The following EP300 variants were observed in gnomAD, a reference collection of about 807,000 sequenced individuals.
EP300 encodes histone acetyltransferase p300.
In EP300, 31 loss-of-function variants were observed where a neutral mutation model predicts 264.0. That is an observed-to-expected ratio of 0.12 (90% confidence interval 0.09 to 0.16). The LOEUF is 0.16. Ranked by LOEUF, EP300 falls within the 10% of genes least tolerant of loss-of-function variation. The pLI, the probability that EP300 is intolerant of heterozygous loss-of-function variation, is 1.00. For synonymous variants in EP300, 1,340 were observed against 1,045.4 expected (o/e 1.28, Z -5.44); for missense variants, 2,766 against 3,052.9 (o/e 0.91, Z 2.21).
intron 2 of EP300, among the ~76,000 whole-genome samples, chr22:41,119,166 C>CTTCTTA (rs1555906128): frequency 6.8e-5 from 1 of 14,714 alleles, no homozygotes; most frequent in Non-Finnish European, 2.1e-4. Flanking sequence ...CCATGCCTGG[C>CTTCTTA]TTATTATTAT....
Position 41,151,853 on chromosome 22 carries a change from C to T in EP300, c.2838C>T (p.Ser946=). ...CCCAGCTTTCCCAGCCAGCTGTAAG[C>T]ATTGAAGGACAGGTATCAAATCCTC... is the stretch of plus-strand genomic sequence containing the variant. ...PATPLSQPAV[S]IEGQVSNPPS... The change falls in exon 15 of 31, where the codon AGC becomes AGT. Residue 946 remains serine, a synonymous_variant. Transcript: ENST00000263253. 6.2e-7 allele frequency: 1 copy of T among 1,614,132 alleles called. No individual in the cohort carries two copies. Among genetic ancestry groups the T allele is most frequent in the Non-Finnish European group, 8.5e-7 (1 of 1,180,030 alleles).
rs1461833121 is a variant in EP300, at chr22:41,100,116, CT to C, written c.94+7019del. On this transcript the variant is annotated intron_variant, in intron 1 of 30. Coordinates refer to ENST00000263253, the MANE Select transcript of EP300 (RefSeq NM_001429.4). ...GGCATGGTGGCATGCATCTGTAGTC[CT>C]AGCTTCTTGGGAGGCTTAAGGTGTG... 3.3e-5 allele frequency among the ~76,000 whole-genome samples: 5 copies of C among 152,264 alleles called. No individual in the cohort carries two copies. The East Asian group carries it at 9.6e-4, about 29-fold the overall frequency.
intron 1 of EP300, among the ~76,000 whole-genome samples, chr22:41,115,579 A>G (rs2058816416): frequency 6.6e-6 from 1 of 152,136 alleles, no homozygotes; most frequent in Admixed American, 6.5e-5. Context: ...AGTATAGCCT[A>G]GTGCCACCAC....
chr22:41,152,903 G>T (rs767416937), intron 16 of EP300, among the ~76,000 whole-genome samples: 15 of 151,964 alleles, frequency 9.9e-5, no homozygotes, highest in Non-Finnish European at 1.8e-4. Flanking sequence ...GACTGCATGC[G>T]CATGCCACCA....
At chr22:41,171,371 C>T (rs1264305836) in intron 27 of EP300, among the ~76,000 whole-genome samples, 1 of 152,150 alleles carries the variant, frequency 6.6e-6, no homozygotes, top group Non-Finnish European at 1.5e-5. Context: ...GGGTCACTCT[C>T]TGTCACCCAG....
intron 1 of EP300, 69 bp downstream of exon 1, chr22:41,093,167 C>G (rs1179101400): frequency 1.3e-6 from 2 of 1,500,278 alleles, no homozygotes; most frequent in Non-Finnish European, 1.8e-6. Context: ...CTTTATTCTT[C>G]CATTTTTTTT....
intron 10 of EP300, among the ~76,000 whole-genome samples, chr22:41,143,005 A>G: frequency 6.6e-6 from 1 of 152,242 alleles, no homozygotes. Context: ...TTCTAATGTC[A>G]GTATAAACAG....
chr22:41,111,809 G>C (rs1193655194), intron 1 of EP300, among the ~76,000 whole-genome samples: 1 of 151,056 alleles, frequency 6.6e-6, no homozygotes, highest in African/African-American at 2.4e-5. Flanking sequence ...AAAGTGCTGG[G>C]ATTACAGGTG....
chr22:41,109,305 A>G (rs1030198230), intron 1 of EP300, among the ~76,000 whole-genome samples: 2 of 152,084 alleles, frequency 1.3e-5, no homozygotes, highest in Non-Finnish European at 2.9e-5. Context: ...GCAATCAAAT[A>G]CAATAGATTT....
At position 41,099,142 on chromosome 22, in the gene EP300, A is replaced by C. The variant is rs142852008; in HGVS notation, c.94+6044A>C. Among the ~76,000 whole-genome samples the C allele has an allele frequency of 3.7e-3, 562 of 152,062 alleles. 5 individuals carry two copies. Among genetic ancestry groups the C allele is most frequent in the Middle Eastern group, 0.017 (5 of 294 alleles). ...TACAGTGGCGTGATCTCGGCCTATGACAACCTCCGTCTCCCGGCTTCAAGC... is the reference window on the plus strand; with the variant it reads ...TACAGTGGCGTGATCTCGGCCTATGCCAACCTCCGTCTCCCGGCTTCAAGC... On this transcript the variant is annotated intron_variant, in intron 1 of 30. Coordinates refer to ENST00000263253, the MANE Select transcript of EP300 (RefSeq NM_001429.4).
chr22:41,167,814 GTTTTTTTTT>G (rs1555911003), intron 23 of EP300, among the ~76,000 whole-genome samples: 3 of 66,208 alleles, frequency 4.5e-5, no homozygotes, highest in Non-Finnish European at 5.2e-5. Flanking sequence ...GTTTGTTTTT[GTTTTTTTTT>G]TTGTTTTTTT....
intron 1 of EP300, among the ~76,000 whole-genome samples, chr22:41,098,157 T>TA (rs1238873872): frequency 6.6e-6 from 1 of 152,152 alleles, no homozygotes; most frequent in African/African-American, 2.4e-5. Context: ...CCCTCCCTGC[T>TA]AAAAAATTTT....
At chr22:41,116,233 A>G (rs1234507862) in intron 1 of EP300, among the ~76,000 whole-genome samples, 1 of 151,924 alleles carries the variant, frequency 6.6e-6, no homozygotes, top group Non-Finnish European at 1.5e-5. Context: ...TTTTTTAATT[A>G]TCCTTTAAGT....
chr22:41,137,606 TCTC>T (rs745725678), intron 7 of EP300, 44 bp from the exon 8 acceptor site: 69 of 1,613,202 alleles, frequency 4.3e-5, no homozygotes, highest in South Asian at 1.3e-4. Context: ...AATGAGGTCT[TCTC>T]CTACCTTTCT....
At chr22:41,104,074 GTTGTTTTTGTTTTGTT>G in intron 1 of EP300, among the ~76,000 whole-genome samples, 1 of 152,112 alleles carries the variant, frequency 6.6e-6, no homozygotes, top group East Asian at 1.9e-4. Flanking sequence ...TTTTTTTGTT[GTTGTTTTTGTTTTGTT>G]TTGTTTTTAA....
At chr22:41,114,892 T>C (rs909936990) in intron 1 of EP300, among the ~76,000 whole-genome samples, 7 of 152,080 alleles carry the variant, frequency 4.6e-5, no homozygotes, top group Admixed American at 3.3e-4. Context: ...CTAAGATTAA[T>C]TGGATCAAGT....
intron 10 of EP300, among the ~76,000 whole-genome samples, chr22:41,143,017 A>G (rs1465295976): frequency 1.3e-5 from 2 of 152,226 alleles, no homozygotes; most frequent in Non-Finnish European, 2.9e-5. Flanking sequence ...TATAAACAGT[A>G]TGGTACTGAT....
intron 15 of EP300, 40 bp from the exon 16 acceptor site, chr22:41,152,166 A>G (rs1025003829): frequency 1.0e-5 from 16 of 1,604,412 alleles, no homozygotes; most frequent in Admixed American, 5.0e-5. Flanking sequence ...TCCCAACTAG[A>G]TATCTTTGGA....
intron 16 of EP300, among the ~76,000 whole-genome samples, chr22:41,153,235 C>G (rs1023979393): frequency 1.3e-5 from 2 of 152,118 alleles, no homozygotes; most frequent in African/African-American, 4.8e-5. Context: ...TATTTTAGGA[C>G]TAGAACTTTT....
Sources: allele counts gnomAD v4.1 joint callset (sites outside exome capture counted in the v4.1 genomes callset), GRCh38; gene constraint gnomAD v4.1.1; transcripts MANE v1.5; gene names NCBI Gene and HGNC (gene_info 2026-07-23, HGNC 2026-07-21).